Variants in RAD17 observed in about 807,000 individuals in gnomAD.
RAD17 encodes RAD17 checkpoint clamp loader component, also known as cell cycle checkpoint protein RAD17.
RAD17 carries 31 observed loss-of-function variants against 81.5 expected under a neutral mutation model. That is an observed-to-expected ratio of 0.38 (90% CI 0.29 to 0.51). The LOEUF is 0.51. Among genes scored for constraint, RAD17 ranks in the 20% least tolerant of loss-of-function variants. RAD17 has a pLI of 0.88. For missense variants in RAD17, 681 were observed against 781.2 expected (o/e 0.87, Z 1.53); for synonymous variants, 261 against 266.2 (o/e 0.98, Z 0.19).
At chr5:69,389,717 T>C (rs546245182) in intron 12 of RAD17, among the ~76,000 whole-genome samples, 1 of 152,336 alleles carries the variant, frequency 6.6e-6, no homozygotes, top group South Asian at 2.1e-4. Context: ...CTTGGCTCAC[T>C]GCAAGCTCCG....
chr5:69,396,414 G>A lies in RAD17; in HGVS notation c.1440G>A (p.Arg480=). 6.2e-7 allele frequency: 1 copy of A among 1,610,416 alleles called. No individual in the cohort carries two copies. ...TTTGTTAGACACGCTCTTTACTCAG[G>A]GAATATAGCACATCTATAGCTACGA... The part of the protein sequence containing the change: ...SGDWNTRSLL[R]EYSTSIATRG... Residue 480 remains arginine, a synonymous_variant, in exon 16 of 19, where the codon AGG becomes AGA. Coordinates refer to ENST00000354868, the MANE Select transcript of RAD17 (RefSeq NM_133338.3).
chr5:69,382,828 G>A (rs564460501), intron 7 of RAD17, among the ~76,000 whole-genome samples: 6 of 151,840 alleles, frequency 4.0e-5, no homozygotes, highest in Non-Finnish European at 8.8e-5. Flanking sequence ...TTTTTTTTGA[G>A]ACAGAGTCTC....
chr5:69,393,921 T>G (rs1422359958), intron 15 of RAD17, among the ~76,000 whole-genome samples: 1 of 145,786 alleles, frequency 6.9e-6, no homozygotes, highest in African/African-American at 2.5e-5. Context: ...TTTTTTTTTT[T>G]TTTTTTTTTT....
intron 16 of RAD17, among the ~76,000 whole-genome samples, chr5:69,398,926 A>T (rs1357629760): frequency 6.7e-6 from 1 of 148,966 alleles, no homozygotes; most frequent in Admixed American, 6.7e-5. Context: ...TAATCCGAGC[A>T]CTTTGGAAAG....
chr5:69,389,537 A>G (rs1764418733), intron 12 of RAD17, among the ~76,000 whole-genome samples: 1 of 152,110 alleles, frequency 6.6e-6, no homozygotes, highest in Admixed American at 6.6e-5. Flanking sequence ...AGGTGACACT[A>G]TTATAGAGTG....
chr5:69,369,307 C>G (rs1022385507), upstream of RAD17: 13 of 717,870 alleles, frequency 1.8e-5, no homozygotes, highest in South Asian at 3.3e-4. Flanking sequence ...GCAACGCCCG[C>G]GAGGGTCGGC....
In RAD17 at chr5:69,391,820, A is replaced by G; in HGVS notation, c.1007-11A>G. 6.8e-7 allele frequency: 1 copy of G among 1,470,378 alleles called. No homozygotes were observed. Among genetic ancestry groups the G allele is most frequent in the East Asian group, 2.5e-5 (1 of 40,216 alleles). 91.1% of individuals were successfully genotyped at this position (1,470,378 alleles called of 1,614,324 possible). ...AATTTAAATATTGTCACTTGGATGT[A>G]TATTATTCAGGAGAAAACAACTTAC... On this transcript the variant is annotated splice_polypyrimidine_tract_variant and intron_variant, in intron 12 of 18. Coordinates refer to ENST00000354868, the MANE Select transcript of RAD17 (RefSeq NM_133338.3).
chr5:69,388,755 T>A (rs2150822952), intron 11 of RAD17, among the ~76,000 whole-genome samples: 1 of 152,170 alleles, frequency 6.6e-6, no homozygotes, highest in East Asian at 1.9e-4. Flanking sequence ...TACAGGCGCA[T>A]GCCACCATGC....
In RAD17 at chr5:69,414,448, G is replaced by C. The variant is rs1766253252; in HGVS notation, c.*156G>C. ...TTCATCACAAGAAACCTACTCTTCT[G>C]TCATCTTGAAGTAAATAGAAGATCA... On this transcript the variant is annotated 3_prime_UTR_variant, in exon 19 of 19. Coordinates refer to ENST00000354868, the MANE Select transcript of RAD17 (RefSeq NM_133338.3). 1.2e-6 allele frequency: 1 copy of C among 863,718 alleles called. No individual in the cohort carries two copies. Among genetic ancestry groups the C allele is most frequent in the East Asian group, 2.6e-5 (1 of 37,816 alleles). The allele number at this position is 863,718 out of a possible 1,614,324, so 53.5% of individuals were successfully genotyped here.
intron 5 of RAD17, 78 bp downstream of exon 5, chr5:69,374,165 A>C: frequency 7.9e-7 from 1 of 1,266,858 alleles, no homozygotes; most frequent in Non-Finnish European, 1.1e-6. Context: ...AGAGGGATTT[A>C]CATTTTCAGA....
chr5:69,387,848 A>G (rs1764309518), intron 11 of RAD17, among the ~76,000 whole-genome samples: 1 of 151,696 alleles, frequency 6.6e-6, no homozygotes, highest in Non-Finnish European at 1.5e-5. Context: ...CAAGAGCAAA[A>G]CTCTGTATCC....
At chr5:69,386,905 A>T (rs1442089501) in intron 11 of RAD17, among the ~76,000 whole-genome samples, 1 of 147,926 alleles carries the variant, frequency 6.8e-6, no homozygotes, top group African/African-American at 2.5e-5. Context: ...GTCTATTTAC[A>T]TTCATATACA....
At chr5:69,398,868 TAAA>T (rs72281552) in intron 16 of RAD17, among the ~76,000 whole-genome samples, 15 of 109,868 alleles carry the variant, frequency 1.4e-4, no homozygotes, top group East Asian at 8.2e-4. Flanking sequence ...ATCTCCTGGT[TAAA>T]AAAAAAAAAA....
At chr5:69,376,660 C>T (rs1763351463) in intron 6 of RAD17, among the ~76,000 whole-genome samples, 2 of 152,182 alleles carry the variant, frequency 1.3e-5, no homozygotes, top group African/African-American at 2.4e-5. Context: ...ACATCACTAA[C>T]ACCCAGAGTC....
intron 17 of RAD17, among the ~76,000 whole-genome samples, chr5:69,402,432 G>A (rs1335681232): frequency 3.9e-5 from 6 of 151,962 alleles, no homozygotes; most frequent in African/African-American, 7.2e-5. Context: ...TTGGGAGGCC[G>A]AGGCGGGCGG....
intron 17 of RAD17, among the ~76,000 whole-genome samples, chr5:69,409,928 G>A (rs779134858): frequency 2.0e-5 from 3 of 152,080 alleles, no homozygotes; most frequent in Non-Finnish European, 4.4e-5. Context: ...TACAATATTT[G>A]TTCTTTTGTG....
Position 69,384,864 on chromosome 5 carries a change from G to A in RAD17, c.576G>A (p.Ala192=), listed in dbSNP as rs549004632. Residue 192 remains alanine, a synonymous_variant, in exon 8 of 19, where the codon GCG becomes GCA. Transcript: ENST00000354868. ...TTTTCAAAGAGTTTCTACTAAGAGC[G>A]ACAAAGTATAACAAGTTACAAATGC... is the stretch of plus-strand genomic sequence containing the variant. ...IAVFKEFLLR[A]TKYNKLQMLG... 11 of 1,612,324 alleles carry A rather than the reference G, an allele frequency of 6.8e-6. No individual in the cohort carries two copies. Among genetic ancestry groups the A allele is most frequent in the African/African-American group, 1.3e-5 (1 of 74,752 alleles).
chr5:69,371,462 T>C lies in RAD17; in HGVS notation c.-271T>C, dbSNP rs1762991798. On this transcript the variant is annotated 5_prime_UTR_variant, in exon 3 of 19. An upstream open reading frame in the 5' UTR loses its in-frame stop. Transcript: ENST00000354868. ...CCCCCCCCCCCCCCCAGGTGAATTA[T>C]AGTTTAATGTACTGCAAGTCCTAAA... 3 of 624,082 alleles carry C rather than the reference T, an allele frequency of 4.8e-6. No homozygotes were observed. The highest frequency in any genetic ancestry group is 7.3e-6 in the Non-Finnish European group (3 of 413,730). 38.7% of individuals were successfully genotyped at this position (624,082 alleles called of 1,614,324 possible). A position where few individuals can be genotyped will look rare whatever the true frequency, so the allele number is the denominator to read the frequency against.
chr5:69,393,955 A>G (rs1395688735), intron 15 of RAD17, among the ~76,000 whole-genome samples: 4 of 116,624 alleles, frequency 3.4e-5, no homozygotes, highest in East Asian at 5.4e-4. Context: ...ATCTACAGCT[A>G]TGTTACCCAG....
Sources: gnomAD v4.1 joint callset for allele counts (sites outside exome capture counted in the v4.1 genomes callset) on GRCh38, gnomAD v4.1.1 for gene constraint, MANE v1.5 for transcripts, NCBI Gene and HGNC (gene_info 2026-07-23, HGNC 2026-07-21) for gene names.